Variants in TAFA2 observed in about 807,000 individuals in gnomAD.
TAFA2 encodes chemokine-like protein TAFA-2.
In TAFA2, 7 loss-of-function variants were observed where a neutral mutation model predicts 18.8. The observed-to-expected ratio is 0.37, with a 90% confidence interval of 0.21 to 0.70. TAFA2 has a LOEUF of 0.70. Ranked by LOEUF, TAFA2 falls within the 30% of genes least tolerant of loss-of-function variation. TAFA2 has a pLI of 0.53. For missense variants in TAFA2, 122 were observed against 158.1 expected, an observed-to-expected ratio of 0.77 and a Z score of 1.23; for synonymous variants, 60 against 54.2, an observed-to-expected ratio of 1.11 and a Z score of -0.47.
At chr12:61,993,835 T>C (rs1235433426) in intron 1 of TAFA2, among the ~76,000 whole-genome samples, 1 of 152,194 alleles carries the variant, frequency 6.6e-6, no homozygotes, top group Non-Finnish European at 1.5e-5. Context: ...TGAGTGCTGC[T>C]TCTCTGTCCC....
chr12:61,976,570 G>A (rs1879442636), intron 1 of TAFA2, among the ~76,000 whole-genome samples: 1 of 151,558 alleles, frequency 6.6e-6, no homozygotes, highest in African/African-American at 2.4e-5. Context: ...TTAAGTTCTA[G>A]GGTACATGTG....
chr12:61,832,801 A>G (rs1373722055), intron 2 of TAFA2, among the ~76,000 whole-genome samples: 1 of 151,664 alleles, frequency 6.6e-6, no homozygotes, highest in African/African-American at 2.4e-5. Context: ...TCCTTATTGG[A>G]TTTCTCATTT....
intron 4 of TAFA2, among the ~76,000 whole-genome samples, chr12:61,753,247 T>C (rs1869102900): frequency 6.6e-6 from 1 of 152,012 alleles, no homozygotes; most frequent in African/African-American, 2.4e-5. Context: ...AAGTAATATA[T>C]AAAATAATGT....
chr12:61,774,069 A>G (rs1870149541), intron 2 of TAFA2, among the ~76,000 whole-genome samples: 1 of 152,006 alleles, frequency 6.6e-6, no homozygotes, highest in Non-Finnish European at 1.5e-5. Flanking sequence ...AAAACAAGAT[A>G]TACAAATGAC....
chr12:62,139,084 T>C (rs2062220250), intron 1 of TAFA2, among the ~76,000 whole-genome samples: 1 of 152,230 alleles, frequency 6.6e-6, no homozygotes, highest in East Asian at 1.9e-4. Flanking sequence ...GGGGAGAGGA[T>C]GAGAAGAAGA....
At chr12:61,774,721 C>T (rs989743202) in intron 2 of TAFA2, among the ~76,000 whole-genome samples, 1 of 151,450 alleles carries the variant, frequency 6.6e-6, no homozygotes, top group African/African-American at 2.4e-5. Context: ...GTACAGTGTA[C>T]ACTCCTCTGG....
chr12:62,049,397 A>T lies in TAFA2; in HGVS notation c.-2+141862T>A, dbSNP rs112632690. Among the ~76,000 whole-genome samples, 345 of 152,314 alleles carry T rather than the reference A, an allele frequency of 2.3e-3. 1 individual carries two copies. The highest frequency in any genetic ancestry group is 3.4e-3 in the Middle Eastern group (1 of 294). ...ACTCACAAAGAAACATTAGCAGACAATTGGAATTACTCAGGCAAGAAGTAC... is the reference window on the plus strand; with the variant it reads ...ACTCACAAAGAAACATTAGCAGACATTTGGAATTACTCAGGCAAGAAGTAC... On this transcript the variant is annotated intron_variant, in intron 1 of 4. Coordinates refer to ENST00000416284, the MANE Select transcript of TAFA2 (RefSeq NM_178539.5).
At chr12:61,831,183 G>A (rs1420337877) in intron 2 of TAFA2, among the ~76,000 whole-genome samples, 2 of 151,984 alleles carry the variant, frequency 1.3e-5, no homozygotes, top group East Asian at 3.9e-4. Context: ...AAGGACCTTA[G>A]CTCAATGCTT....
intron 1 of TAFA2, among the ~76,000 whole-genome samples, chr12:62,126,854 T>C (rs987928677): frequency 2.0e-5 from 3 of 152,142 alleles, no homozygotes; most frequent in Non-Finnish European, 4.4e-5. Context: ...TGAAAAGTTA[T>C]GCCAGTTTTT....
At chr12:62,152,929 G>A (rs1287467351) in intron 1 of TAFA2, among the ~76,000 whole-genome samples, 2 of 152,194 alleles carry the variant, frequency 1.3e-5, no homozygotes, top group African/African-American at 4.8e-5. Flanking sequence ...ATGACAAACA[G>A]AGAAAGGGTG....
Position 61,984,633 on chromosome 12 carries a change from T to G in TAFA2, c.-1-117207A>C, listed in dbSNP as rs73130973. Among the ~76,000 whole-genome samples, 769 of 152,362 alleles carry G rather than the reference T, an allele frequency of 5.0e-3. 4 individuals are homozygous for G. The highest frequency in any genetic ancestry group is 9.3e-3 in the South Asian group (45 of 4,830). ...TTATTCTAAAGAACATTTTCCATTATGTTTTTTGTACATGGGATATTATTC... is the reference window on the plus strand; with the variant it reads ...TTATTCTAAAGAACATTTTCCATTAGGTTTTTTGTACATGGGATATTATTC... On this transcript the variant is annotated intron_variant, in intron 1 of 4. Transcript: ENST00000416284.
Position 61,932,970 on chromosome 12 carries a change from G to A in TAFA2, c.-1-65544C>T, listed in dbSNP as rs1877622688. Among the ~76,000 whole-genome samples the A allele has an allele frequency of 2.6e-5, 4 of 152,302 alleles. No individual in the cohort carries two copies. In the South Asian group the frequency reaches 8.3e-4, roughly 32 times the overall value. On this transcript the variant is annotated intron_variant, in intron 1 of 4. Coordinates refer to ENST00000416284, the MANE Select transcript of TAFA2 (RefSeq NM_178539.5). ...CTTATCCAGCTGCTGTCTCCTGGAA[G>A]TACGGAACTAAGAAAGCCAAGCTAG...
intron 2 of TAFA2, among the ~76,000 whole-genome samples, chr12:61,853,521 A>T (rs916612129): frequency 2.6e-5 from 4 of 152,158 alleles, no homozygotes; most frequent in African/African-American, 9.7e-5. Context: ...AACTTACTGG[A>T]CTCAAGAAAG....
chr12:61,914,236 G>A (rs1222236093), intron 1 of TAFA2, among the ~76,000 whole-genome samples: 1 of 152,174 alleles, frequency 6.6e-6, no homozygotes, highest in Non-Finnish European at 1.5e-5. Flanking sequence ...AGGCATCACA[G>A]TCAAACTTCA....
intron 1 of TAFA2, among the ~76,000 whole-genome samples, chr12:62,244,851 G>A (rs1169946520): frequency 6.6e-6 from 1 of 151,956 alleles, no homozygotes; most frequent in Admixed American, 6.6e-5. Flanking sequence ...TTGTCATTCA[G>A]GTCTCCTTTT....
intron 1 of TAFA2, among the ~76,000 whole-genome samples, chr12:61,938,967 C>T (rs1331413139): frequency 1.3e-5 from 2 of 151,926 alleles, no homozygotes; most frequent in Non-Finnish European, 2.9e-5. Flanking sequence ...GTACAATGTA[C>T]ACTACTCAGG....
intron 1 of TAFA2, among the ~76,000 whole-genome samples, chr12:61,941,757 C>G (rs1022268866): frequency 6.6e-6 from 1 of 152,194 alleles, no homozygotes; most frequent in Non-Finnish European, 1.5e-5. Flanking sequence ...GCTTAAAAAA[C>G]GGCACACCAC....
intron 1 of TAFA2, among the ~76,000 whole-genome samples, chr12:61,884,190 T>C (rs1875268463): frequency 6.6e-6 from 1 of 152,120 alleles, no homozygotes. Flanking sequence ...AGCGGAGGAA[T>C]AAGAGGTAAG....
intron 1 of TAFA2, among the ~76,000 whole-genome samples, chr12:62,109,089 C>A (rs1480513889): frequency 1.3e-5 from 2 of 152,134 alleles, no homozygotes; most frequent in East Asian, 3.8e-4. Context: ...CCTAGGTTTT[C>A]TTCTAGGATT....
Sources: gnomAD v4.1 joint callset for allele counts (sites outside exome capture counted in the v4.1 genomes callset) on GRCh38, gnomAD v4.1.1 for gene constraint, MANE v1.5 for transcripts, NCBI Gene and HGNC (gene_info 2026-07-23, HGNC 2026-07-21) for gene names.